C8orf82: variants seen among roughly 807,000 people sequenced by gnomAD.
C8orf82 encodes UPF0598 protein C8orf82.
Under a neutral mutation model 15.0 loss-of-function variants are expected in C8orf82, and 24 were observed. The ratio of observed to expected loss-of-function variants is 1.60; its 90% CI spans 1.16 to 2.24. C8orf82 has a LOEUF of 2.24. C8orf82 is among the 30% of genes most tolerant of loss of function. The pLI is 0.00. For missense variants in C8orf82, 388 were observed against 317.4 expected, an observed-to-expected ratio of 1.22 and a Z score of -1.69; for synonymous variants, 205 against 152.2, an observed-to-expected ratio of 1.35 and a Z score of -2.55.
Position 144,528,844 on chromosome 8 carries a change from C to T in C8orf82, c.73G>A (p.Asp25Asn). The T allele has an allele frequency of 1.3e-6, 2 of 1,519,162 alleles. No individual in the cohort carries two copies. Among genetic ancestry groups the T allele is most frequent in the South Asian group, 1.2e-5 (1 of 80,356 alleles). The allele number at this position is 1,519,162 out of a possible 1,614,324, so 94.1% of individuals were successfully genotyped here. Residue 25 changes from aspartate to asparagine, a missense_variant, in exon 1 of 3, where the codon GAT (aspartate) becomes AAT (asparagine). Transcript: ENST00000524821. ...CCCTGCGTGTAGGAAACGCCCCCAT[C>T]CCCGCTGCAGGCCCGGGCTCCCCGC... The part of the protein sequence containing the change: ...RSRGARACSG[D>N]GGVSYTQGQS...
In C8orf82 at chr8:144,525,995, A is replaced by G. The variant is rs1816345912; in HGVS notation, c.*1347T>C. 6.6e-6 allele frequency: 1 copy of G among 152,202 alleles called. No homozygotes were observed. The highest frequency in any genetic ancestry group is 2.4e-5 in the African/African-American group (1 of 41,448). 9.4% of individuals were successfully genotyped at this position (152,202 alleles called of 1,614,324 possible). A position where few individuals can be genotyped will look rare whatever the true frequency, so the allele number is the denominator to read the frequency against. On this transcript the variant is annotated 3_prime_UTR_variant, in exon 3 of 3. Coordinates refer to ENST00000524821, the MANE Select transcript of C8orf82 (RefSeq NM_001001795.2). The stretch of plus-strand genomic sequence containing the variant: ...GAACAAGGAGCCCAGTTTTAAAAGT[A>G]GGGATCTGGGCTAAGCCAGCCAGCC...
At chr8:144,528,553 C>T (rs981930976) in intron 1 of C8orf82, 2 of 1,317,142 alleles carry the variant, frequency 1.5e-6, no homozygotes, top group Non-Finnish European at 1.0e-6. Flanking sequence ...GACCCAACTC[C>T]CCGTCTTTCC....
Position 144,527,498 on chromosome 8 carries a change from C to G in C8orf82, c.495G>C (p.Val165=). The G allele has an allele frequency of 7.8e-7, 1 of 1,280,058 alleles. No homozygotes were observed. The highest frequency in any genetic ancestry group is 9.9e-7 in the Non-Finnish European group (1 of 1,013,588). The allele number at this position is 1,280,058 out of a possible 1,614,324, so 79.3% of individuals were successfully genotyped here. Reference sequence around the variant, plus strand: ...AGGCCAGGGCGGAGCGCACCAGGCCCACGCCGCCCGCACGCTCCGGCGCCG... The same window carrying G: ...AGGCCAGGGCGGAGCGCACCAGGCCGACGCCGCCCGCACGCTCCGGCGCCG... ...YHPAPERAGG[V]GLVRSALAFE... The change falls in exon 3 of 3, where the codon GTG becomes GTC. Residue 165 remains valine (V), a synonymous_variant. Transcript: ENST00000524821.
chr8:144,529,018 C>T lies in C8orf82; in HGVS notation c.-102G>A, dbSNP rs542017328. The T allele has an allele frequency of 1.0e-3, 1,258 of 1,224,244 alleles. 12 individuals are homozygous for T. The African/African-American group carries it at 0.018, about 18-fold the overall frequency. The allele number at this position is 1,224,244 out of a possible 1,614,324, so 75.8% of individuals were successfully genotyped here. On this transcript the variant is annotated 5_prime_UTR_variant, in exon 1 of 3. Coordinates refer to ENST00000524821, the MANE Select transcript of C8orf82 (RefSeq NM_001001795.2). ...CCCCGCGCTTCGCGTTCCGGCGGCG[C>T]CCGCCTCCGCGACCCGGGCCCGGCG...
At position 144,527,329 on chromosome 8, in the gene C8orf82, C is replaced by A; in HGVS notation, c.*13G>T. The A allele has an allele frequency of 8.5e-7, 1 of 1,170,376 alleles. No homozygotes were observed. The highest frequency in any genetic ancestry group is 1.1e-6 in the Non-Finnish European group (1 of 946,782). The allele number at this position is 1,170,376 out of a possible 1,614,324, so 72.5% of individuals were successfully genotyped here. On this transcript the variant is annotated 3_prime_UTR_variant, in exon 3 of 3. Transcript: ENST00000524821. The stretch of plus-strand genomic sequence containing the variant: ...GAGGCGCCCGCGGCCTCCCGCCTTT[C>A]CCTTGGCCCCGCTCAGGGCGACCGA...
rs757354545 is a variant in C8orf82 at position 144,528,886 on chromosome 8, GGGTCC to G, written c.26_30del (p.Arg9ProfsTer47). The G allele has an allele frequency of 4.7e-5, 71 of 1,516,346 alleles. No individual in the cohort carries two copies. Among genetic ancestry groups the G allele is most frequent in the Middle Eastern group, 3.7e-4 (2 of 5,462 alleles). The allele number at this position is 1,516,346 out of a possible 1,614,324, so 93.9% of individuals were successfully genotyped here. A position where few individuals can be genotyped will look rare whatever the true frequency, so the allele number is the denominator to read the frequency against. On this transcript the variant is annotated frameshift_variant, in exon 1 of 3. Transcript: ENST00000524821. LOFTEE classifies it high-confidence loss of function. The stretch of plus-strand genomic sequence containing the variant: ...GCTCCCCGCGACCGCGCCAAGGCCA[GGGTCC>G]GGAGCGTCCCGCAAGGCGGCCACAT...
intron 1 of C8orf82, 52 bp from the exon 2 acceptor site, chr8:144,528,124 G>C (rs774453772): frequency 6.3e-7 from 1 of 1,597,440 alleles, no homozygotes; most frequent in Non-Finnish European, 8.6e-7. Flanking sequence ...GGTGGGGGCG[G>C]GGAAGCTCAG....
intron 1 of C8orf82, 145 bp downstream of exon 1, chr8:144,528,616 C>CCGGGGGGGGGGGGGGG: frequency 5.4e-5 from 16 of 295,994 alleles, no homozygotes; most frequent in Non-Finnish European, 7.7e-5. Flanking sequence ...GCGCAGGCCC[C>CCGGGGGGGGGGGGGGG]GCCCACCCAC....
At chr8:144,527,989 G>T in intron 2 of C8orf82, 35 bp downstream of exon 2, 3 of 1,608,546 alleles carry the variant, frequency 1.9e-6, no homozygotes, top group Non-Finnish European at 2.5e-6. Flanking sequence ...CCGGAAGGGA[G>T]AAAGAAGGGG....
At position 144,528,438 on chromosome 8, in the gene C8orf82, G is replaced by A. The variant is rs772145943; in HGVS notation, c.156+323C>T. On this transcript the variant is annotated intron_variant, in intron 1 of 2. Coordinates refer to ENST00000524821, the MANE Select transcript of C8orf82 (RefSeq NM_001001795.2). ...GGCAGGGCGGCCCGGGTGTCTCCCT[G>A]GCAGCGGCGAGAAGTCAGCGCCGGG... The A allele has an allele frequency of 1.6e-5, 24 of 1,482,434 alleles. 1 individual carries two copies. In the South Asian group the frequency reaches 2.6e-4, roughly 16 times the overall value. The allele number at this position is 1,482,434 out of a possible 1,614,324, so 91.8% of individuals were successfully genotyped here.
intron 1 of C8orf82, chr8:144,528,554 C>T (rs1564828122): frequency 1.2e-5 from 16 of 1,317,252 alleles, no homozygotes; most frequent in Non-Finnish European, 1.6e-5. Flanking sequence ...ACCCAACTCC[C>T]CGTCTTTCCA....
rs1302287594 is a variant in C8orf82 at position 144,527,572 on chromosome 8, C to T, written c.421G>A (p.Glu141Lys). ...GGGEALAVPF[E>K]PARLLPLAAN... ...GCCAGGGGCAGCAGGCGCGCCGGCT[C>T]GAAGGGCACGGCCAGGGCCTCGCCA... is the stretch of plus-strand genomic sequence containing the variant. The change falls in exon 3 of 3, where the codon GAG becomes AAG. Residue 141 changes from glutamate (E) to lysine (K), a missense_variant. Coordinates refer to ENST00000524821, the MANE Select transcript of C8orf82 (RefSeq NM_001001795.2). The T allele has an allele frequency of 5.5e-6, 8 of 1,467,592 alleles. No individual in the cohort carries two copies. Among genetic ancestry groups the T allele is most frequent in the East Asian group, 2.7e-5 (1 of 37,042 alleles). 90.9% of individuals were successfully genotyped at this position (1,467,592 alleles called of 1,614,324 possible).
At chr8:144,528,709 CAGAGACCTCTCCCGG>C in intron 1 of C8orf82, 37 bp downstream of exon 1, 1 of 803,640 alleles carries the variant, frequency 1.2e-6, no homozygotes. Context: ...CCGCCCCGCC[CAGAGACCTCTCCCGG>C]CCCCGCCTCT....
chr8:144,528,962 T>A lies in C8orf82; in HGVS notation c.-46A>T, dbSNP rs1294744039. 6.8e-7 allele frequency: 1 copy of A among 1,463,660 alleles called. No individual in the cohort carries two copies. The highest frequency in any genetic ancestry group is 9.0e-7 in the Non-Finnish European group (1 of 1,112,124). The allele number at this position is 1,463,660 out of a possible 1,614,324, so 90.7% of individuals were successfully genotyped here. A position where few individuals can be genotyped will look rare whatever the true frequency, so the allele number is the denominator to read the frequency against. ...GACCAGCAGGTCACGCCGGGGGCGGTGCTGCGCGAACTCGCGCCTGCCCGC... is the reference window on the plus strand; with the variant it reads ...GACCAGCAGGTCACGCCGGGGGCGGAGCTGCGCGAACTCGCGCCTGCCCGC... On this transcript the variant is annotated 5_prime_UTR_variant, in exon 1 of 3. Transcript: ENST00000524821.
rs1289918651 is a variant in C8orf82, at chr8:144,528,035, G to A, written c.194C>T (p.Thr65Ile). 3 of 1,612,656 alleles carry A rather than the reference G, an allele frequency of 1.9e-6. No homozygotes were observed. The highest frequency in any genetic ancestry group is 2.5e-6 in the Non-Finnish European group (3 of 1,179,902). Residue 65 changes from threonine (T) to isoleucine (I), a missense_variant, in exon 2 of 3, where the codon ACC becomes ATC. Coordinates refer to ENST00000524821, the MANE Select transcript of C8orf82 (RefSeq NM_001001795.2). Reference protein sequence around the residue: ...LDDSKMKNFITCFKDPQFLVT... With the variant: ...LDDSKMKNFIICFKDPQFLVT... ...AGGCACAGCATTACCTTTGAAGCAG[G>A]TGATGAAATTCTTCATTTTGGAATC...
At position 144,526,235 on chromosome 8, in the gene C8orf82, G is replaced by A. The variant is rs1816355008; in HGVS notation, c.*1107C>T. The A allele has an allele frequency of 6.6e-6, 1 of 152,242 alleles. No homozygotes were observed. The highest frequency in any genetic ancestry group is 2.4e-5 in the African/African-American group (1 of 41,454). 9.4% of individuals were successfully genotyped at this position (152,242 alleles called of 1,614,324 possible). On this transcript the variant is annotated 3_prime_UTR_variant, in exon 3 of 3. Coordinates refer to ENST00000524821, the MANE Select transcript of C8orf82 (RefSeq NM_001001795.2). ...AGAAATAAGTAAGCACAGCAATAAAGTTTTAATGGAATAGCTTTGGCCCAG... is the reference window on the plus strand; with the variant it reads ...AGAAATAAGTAAGCACAGCAATAAAATTTTAATGGAATAGCTTTGGCCCAG...
chr8:144,528,615 C>CGGGGGGGGGGGGGGGGGGGGGG, intron 1 of C8orf82, 146 bp downstream of exon 1: 3 of 268,474 alleles, frequency 1.1e-5, no homozygotes, highest in Non-Finnish European at 1.2e-5. Flanking sequence ...CGCGCAGGCC[C>CGGGGGGGGGGGGGGGGGGGGGG]CGCCCACCCA....
rs942117368 is a variant in C8orf82, at chr8:144,529,049, C to T, written c.-133G>A. 1.3e-5 allele frequency: 12 copies of T among 948,506 alleles called. No homozygotes were observed. The highest frequency in any genetic ancestry group is 1.6e-5 in the Non-Finnish European group (11 of 700,670). 58.8% of individuals were successfully genotyped at this position (948,506 alleles called of 1,614,324 possible). On this transcript the variant is annotated 5_prime_UTR_variant, in exon 1 of 3. Transcript: ENST00000524821. ...TCCGCGACCCGGGCCCGGCGCTCTT[C>T]CCTCTCCCTCGGGCCTCGGGGGCTC...
intron 2 of C8orf82, 85 bp downstream of exon 2, chr8:144,527,939 T>TGGGCCCGTCGGCAGAGTCGGG (rs1294841797): frequency 6.5e-7 from 1 of 1,532,930 alleles, no homozygotes; most frequent in Non-Finnish European, 9.0e-7. Context: ...CTTGGTGCGC[T>TGGGCCCGTCGGCAGAGTCGGG]GGGCCCGTCG....
Sources: allele counts gnomAD v4.1 joint callset, GRCh38; gene constraint gnomAD v4.1.1; transcripts MANE v1.5; gene names NCBI Gene and HGNC (gene_info 2026-07-23, HGNC 2026-07-21).